The following OR52N4 variants were observed in gnomAD, a reference collection of about 807,000 sequenced individuals.
OR52N4 encodes the protein olfactory receptor 52N4.
In OR52N4, 15 loss-of-function variants were observed where a neutral mutation model predicts 15.0. The ratio of observed to expected loss-of-function variants is 1.00; its 90% CI spans 0.67 to 1.54. The LOEUF is 1.54. Among genes scored for constraint, OR52N4 ranks in the 40% most tolerant of loss-of-function variants. OR52N4 has a pLI of 0.00. For synonymous variants in OR52N4, 143 were observed against 143.7 expected, an observed-to-expected ratio of 1.00 and a Z score of 0.03; for missense variants, 421 against 394.0, an observed-to-expected ratio of 1.07 and a Z score of -0.58.
chr11:5,737,529 C>T, the OR52N4 span: 7 of 1,555,356 alleles, frequency 4.5e-6, no homozygotes, highest in African/African-American at 9.6e-5. Context: ...TCAGCTTCTC[C>T]TAAACTGGAT....
At chr11:5,730,482 C>T in the OR52N4 span, among the ~76,000 whole-genome samples, 658 of 151,722 alleles carry the variant, frequency 4.3e-3, 8 homozygotes, top group African/African-American at 0.015. Flanking sequence ...TGAGCCACCA[C>T]GCCCGGCCAG....
chr11:5,739,817 CCAGA>C, the OR52N4 span, among the ~76,000 whole-genome samples: 3 of 128,014 alleles, frequency 2.3e-5, 1 homozygote, highest in East Asian at 8.3e-4. Context: ...TTGGCTGCTC[CCAGA>C]CAGTGACCAG....
At chr11:5,733,240 C>A in the OR52N4 span, among the ~76,000 whole-genome samples, 1 of 152,142 alleles carries the variant, frequency 6.6e-6, no homozygotes, top group Non-Finnish European at 1.5e-5. Flanking sequence ...ACCTCAACAG[C>A]ACCATCTCAC....
chr11:5,732,492 T>A, the OR52N4 span, among the ~76,000 whole-genome samples: 1 of 152,330 alleles, frequency 6.6e-6, no homozygotes, highest in East Asian at 1.9e-4. Flanking sequence ...AAACTATGTT[T>A]CATTAGATCT....
At chr11:5,727,681 T>G in the OR52N4 span, among the ~76,000 whole-genome samples, 1 of 152,126 alleles carries the variant, frequency 6.6e-6, no homozygotes, top group Non-Finnish European at 1.5e-5. Context: ...CTGGGTAACG[T>G]GCAGATATTG....
At chr11:5,739,394 CAAAT>C in the OR52N4 span, among the ~76,000 whole-genome samples, 12 of 123,506 alleles carry the variant, frequency 9.7e-5, 4 homozygotes, top group African/African-American at 2.9e-4. Flanking sequence ...ATAAAAAATA[CAAAT>C]AAATAAAAAT....
At position 5,755,864 on chromosome 11, in the gene OR52N4, C is replaced by A; in HGVS notation, c.*158C>A. On this transcript the variant is annotated 3_prime_UTR_variant, in exon 2 of 2. Coordinates refer to ENST00000641350, the MANE Select transcript of OR52N4 (RefSeq NM_001005175.5). ...ATAAGTACCTTGGGAATCTCAACAT[C>A]ATTGGAAGGCCCACCAACATTTCTA... 1.2e-6 allele frequency: 1 copy of A among 824,498 alleles called. No individual in the cohort carries two copies. The highest frequency in any genetic ancestry group is 1.8e-6 in the Non-Finnish European group (1 of 547,092). 51.1% of individuals were successfully genotyped at this position (824,498 alleles called of 1,614,324 possible).
the OR52N4 span, chr11:5,736,616 C>A: frequency 6.2e-7 from 1 of 1,614,034 alleles, no homozygotes; most frequent in Non-Finnish European, 8.5e-7. Context: ...CAGCTGGCAA[C>A]ACTGGCTATC....
the OR52N4 span, chr11:5,737,026 G>T: frequency 6.2e-6 from 10 of 1,614,140 alleles, no homozygotes; most frequent in East Asian, 2.2e-4. Flanking sequence ...CAGTGCCTGT[G>T]CTTGCAGCAC....
the OR52N4 span, among the ~76,000 whole-genome samples, chr11:5,730,039 A>C: frequency 6.6e-6 from 1 of 151,826 alleles, no homozygotes; most frequent in Non-Finnish European, 1.5e-5. Context: ...AACCTTAGTG[A>C]TTTTTTTTAA....
At position 5,755,349 on chromosome 11, in the gene OR52N4, G is replaced by A. The variant is rs1246120428; in HGVS notation, c.609G>A (p.Met203Ile). The A allele has an allele frequency of 4.3e-6, 7 of 1,613,910 alleles. No individual in the cohort carries two copies. The highest frequency in any genetic ancestry group is 5.9e-6 in the Non-Finnish European group (7 of 1,179,990). ...AGGTCAATGCCATCTATGGTCTGAT[G>A]GTTGCCCTCCTGATTTGGGGCTTTG... is the stretch of plus-strand genomic sequence containing the variant. ...NVKVNAIYGL[M>I]VALLIWGFDI... The change falls in exon 2 of 2, where the codon ATG becomes ATA. Residue 203 changes from methionine to isoleucine, a missense_variant. Met to Ile is a conservative substitution (Grantham distance 10). Coordinates refer to ENST00000641350, the MANE Select transcript of OR52N4 (RefSeq NM_001005175.5).
the OR52N4 span, among the ~76,000 whole-genome samples, chr11:5,732,852 T>G: frequency 3.9e-5 from 6 of 152,224 alleles, no homozygotes; most frequent in Non-Finnish European, 7.3e-5. Flanking sequence ...GCACCTCATA[T>G]TGGTCATGAC....
the OR52N4 span, chr11:5,736,875 A>T: frequency 2.5e-6 from 4 of 1,613,832 alleles, no homozygotes; most frequent in Admixed American, 1.7e-5. Context: ...GTGGGCATGG[A>T]GTCTGGTATC....
At position 5,755,501 on chromosome 11, in the gene OR52N4, AT is replaced by A; in HGVS notation, c.762del (p.Tyr254Ter). ...CACATTTGTGCCATTGTTTTCTCCT[AT>A]ACTCCAGCTTTCTTCTCCTTCTTTT... ...TAHICAIVFS[Y>X]TPAFFSFFSH... is the part of the protein sequence containing the mutation. On this transcript the variant is annotated frameshift_variant, in exon 2 of 2. Coordinates refer to ENST00000641350, the MANE Select transcript of OR52N4 (RefSeq NM_001005175.5). LOFTEE classifies it high-confidence loss of function. The A allele has an allele frequency of 6.2e-7, 1 of 1,613,918 alleles. No homozygotes were observed. Among genetic ancestry groups the A allele is most frequent in the African/African-American group, 1.3e-5 (1 of 75,032 alleles).
chr11:5,738,983 C>G, the OR52N4 span, among the ~76,000 whole-genome samples: 2 of 126,396 alleles, frequency 1.6e-5, 1 homozygote, highest in Non-Finnish European at 3.5e-5. Flanking sequence ...AATGTCAACT[C>G]CTCTTCCAGT....
At chr11:5,730,762 C>T in the OR52N4 span, among the ~76,000 whole-genome samples, 14 of 150,824 alleles carry the variant, frequency 9.3e-5, no homozygotes, top group Non-Finnish European at 1.5e-4. Flanking sequence ...AGCTGAAAAT[C>T]CAGAACAGTG....
the OR52N4 span, among the ~76,000 whole-genome samples, chr11:5,729,448 T>C: frequency 6.6e-6 from 1 of 152,184 alleles, no homozygotes; most frequent in Admixed American, 6.6e-5. Flanking sequence ...TTTTAAGATT[T>C]ATATACAATT....
At chr11:5,751,039 T>C (rs900108228), upstream of OR52N4, among the ~76,000 whole-genome samples, 8 of 151,932 alleles carry the variant, frequency 5.3e-5, no homozygotes, top group Non-Finnish European at 1.0e-4. Flanking sequence ...TTATCAAACT[T>C]GGAAAAAAAA....
Position 5,755,557 on chromosome 11 carries a change from C to A in OR52N4, c.817C>A (p.Pro273Thr), listed in dbSNP as rs758365622. ...SHRFGEHIIP[P>T]SCHIIVANIY... Reference sequence around the variant, plus strand: ...CCGCTTTGGGGAACACATAATCCCCCCTTCTTGCCACATCATTGTAGCCAA... The same window carrying A: ...CCGCTTTGGGGAACACATAATCCCCACTTCTTGCCACATCATTGTAGCCAA... The change falls in exon 2 of 2, where the codon CCT becomes ACT. Residue 273 changes from proline (P) to threonine (T), a missense_variant. Coordinates refer to ENST00000641350, the MANE Select transcript of OR52N4 (RefSeq NM_001005175.5). 7.4e-6 allele frequency: 12 copies of A among 1,613,784 alleles called. No homozygotes were observed. Among genetic ancestry groups the A allele is most frequent in the African/African-American group, 1.3e-5 (1 of 74,918 alleles).
Sources: allele counts gnomAD v4.1 joint callset (sites outside exome capture counted in the v4.1 genomes callset), GRCh38; gene constraint gnomAD v4.1.1; transcripts MANE v1.5; gene names NCBI Gene and HGNC (gene_info 2026-07-23, HGNC 2026-07-21).